Variants in PDE1C observed in about 807,000 individuals in gnomAD.
The protein encoded by PDE1C is phosphodiesterase 1C.
In PDE1C, 62 loss-of-function variants were observed where a neutral mutation model predicts 93.1. That is an observed-to-expected ratio of 0.67 (90% CI 0.54 to 0.82). The LOEUF is 0.82. PDE1C is among the 40% of genes least tolerant of loss of function. The pLI, the probability that PDE1C is intolerant of heterozygous loss-of-function variation, is 0.00. For synonymous variants in PDE1C, 325 were observed against 310.1 expected (o/e 1.05, Z -0.50); for missense variants, 742 against 884.6 (o/e 0.84, Z 2.04).
the PDE1C span, among the ~76,000 whole-genome samples, chr7:31,700,667 T>C: frequency 6.6e-6 from 1 of 152,194 alleles, no homozygotes; most frequent in Non-Finnish European, 1.5e-5. Context: ...TGTCAATGCC[T>C]GGCTTCAAAA....
At chr7:31,981,480 C>T (rs988129081) in intron 2 of PDE1C, among the ~76,000 whole-genome samples, 1 of 152,170 alleles carries the variant, frequency 6.6e-6, no homozygotes, top group African/African-American at 2.4e-5. Context: ...AATCTCCTTT[C>T]TACTGAAATG....
At chr7:31,719,917 T>C in the PDE1C span, among the ~76,000 whole-genome samples, 5 of 151,994 alleles carry the variant, frequency 3.3e-5, no homozygotes, top group East Asian at 9.7e-4. Context: ...AGAAGTCTAA[T>C]GTGGGGAGGC....
the PDE1C span, chr7:31,692,548 G>A: frequency 6.4e-7 from 1 of 1,564,410 alleles, no homozygotes; most frequent in Non-Finnish European, 8.8e-7. Flanking sequence ...GATTGTGAAT[G>A]TCAGTGGTGG....
At chr7:32,305,967 G>A (rs1812989717) in intron 1 of PDE1C, among the ~76,000 whole-genome samples, 1 of 152,164 alleles carries the variant, frequency 6.6e-6, no homozygotes, top group Non-Finnish European at 1.5e-5. Flanking sequence ...CCCACGTGTT[G>A]TGGAAGGAAC....
the PDE1C span, chr7:31,642,877 G>A: frequency 5.6e-6 from 9 of 1,614,044 alleles, no homozygotes; most frequent in Non-Finnish European, 7.6e-6. Context: ...ATCTGTGATG[G>A]AGGAAGAGTT....
At chr7:32,000,971 T>C (rs987462949) in intron 2 of PDE1C, among the ~76,000 whole-genome samples, 1 of 151,606 alleles carries the variant, frequency 6.6e-6, no homozygotes, top group Non-Finnish European at 1.5e-5. Context: ...CACGTTTGTA[T>C]ACATGTGCCT....
At chr7:31,873,435 C>A in intron 5 of PDE1C, 27 bp from the exon 6 acceptor site, 1 of 1,378,258 alleles carries the variant, frequency 7.3e-7, no homozygotes, top group Non-Finnish European at 1.0e-6. Context: ...GGAGAAAGAA[C>A]ACATTAGCCC....
the PDE1C span, among the ~76,000 whole-genome samples, chr7:31,691,761 T>C: frequency 1.4e-5 from 2 of 146,732 alleles, no homozygotes; most frequent in Non-Finnish European, 3.0e-5. Context: ...GGAGGTAGTC[T>C]CTTTACTTTA....
chr7:31,649,848 C>T, the PDE1C span, among the ~76,000 whole-genome samples: 1 of 152,062 alleles, frequency 6.6e-6, no homozygotes, highest in Non-Finnish European at 1.5e-5. Flanking sequence ...TTAGTTAAAG[C>T]CATGAAAACA....
Position 31,858,794 on chromosome 7 carries a change from A to T in PDE1C, c.750+6148T>A, listed in dbSNP as rs920165553. On this transcript the variant is annotated intron_variant, in intron 7 of 17. Transcript: ENST00000396191. The stretch of plus-strand genomic sequence containing the variant: ...CATTAGGTAATCATTTTTATTAAGA[A>T]TACTGAGAAATTCAAACATTTTCTC... Among the ~76,000 whole-genome samples, 14 of 152,212 alleles carry T rather than the reference A, an allele frequency of 9.2e-5. No individual in the cohort carries two copies. In the South Asian group the frequency reaches 2.3e-3, roughly 25 times the overall value.
intron 1 of PDE1C, among the ~76,000 whole-genome samples, chr7:32,307,739 G>A (rs536988312): frequency 5.3e-5 from 8 of 152,230 alleles, no homozygotes; most frequent in South Asian, 4.1e-4. Flanking sequence ...TTTATAAAGC[G>A]GGCCCGAGGT....
In PDE1C at chr7:31,816,099, C is replaced by T. The variant is rs762354288; in HGVS notation, c.1638G>A (p.Gln546=). 2.5e-6 allele frequency: 4 copies of T among 1,613,984 alleles called. No individual in the cohort carries two copies. In the East Asian group the frequency reaches 6.7e-5, roughly 27 times the overall value. Residue 546 remains glutamine (Q), a synonymous_variant, in exon 15 of 18, where the codon CAG becomes CAA. Coordinates refer to ENST00000396191, the MANE Select transcript of PDE1C (RefSeq NM_001191057.4). ...GGCTTTTGGCTTCCATTTCCTTTTG[C>T]TGCTCCTCTGCGGCCAGGCGAGCCT... The part of the protein sequence containing the change: ...EEKARLAAEE[Q]QKEMEAKSQA...
intron 2 of PDE1C, among the ~76,000 whole-genome samples, chr7:32,031,717 C>T (rs555970679): frequency 6.6e-6 from 1 of 152,222 alleles, no homozygotes; most frequent in African/African-American, 2.4e-5. Flanking sequence ...ATAGAATCAA[C>T]AGACTGGCAA....
chr7:31,804,571 G>A lies in PDE1C; in HGVS notation c.1891+4460C>T, dbSNP rs114891833. On this transcript the variant is annotated intron_variant, in intron 16 of 17. Transcript: ENST00000396191. The stretch of plus-strand genomic sequence containing the variant: ...CATTTCTTTTTTCTTCTTCACAATT[G>A]CATTGATAGAAGATTTCATTCTTAG... Among the ~76,000 whole-genome samples the A allele has an allele frequency of 3.1e-3, 467 of 151,792 alleles. 6 individuals carry two copies. The highest frequency in any genetic ancestry group is 0.011 in the African/African-American group (441 of 41,454).
At chr7:32,063,248 C>T (rs915585530) in intron 1 of PDE1C, among the ~76,000 whole-genome samples, 3 of 152,166 alleles carry the variant, frequency 2.0e-5, no homozygotes, top group African/African-American at 7.2e-5. Context: ...GCGGTTTTTG[C>T]CGCTAAAACT....
the PDE1C span, among the ~76,000 whole-genome samples, chr7:31,700,762 A>G: frequency 7.9e-5 from 12 of 152,236 alleles, no homozygotes; most frequent in East Asian, 2.3e-3. Context: ...ACTATTCTGA[A>G]AATCCTAGGG....
At chr7:31,853,286 C>G (rs775184613) in intron 7 of PDE1C, among the ~76,000 whole-genome samples, 8 of 152,104 alleles carry the variant, frequency 5.3e-5, no homozygotes, top group South Asian at 2.1e-4. Context: ...TTTCAACAAA[C>G]GCCATGCATG....
At position 31,930,366 on chromosome 7, in the gene PDE1C, TC is replaced by T. The variant is rs200758542; in HGVS notation, c.129-49507del. On this transcript the variant is annotated intron_variant, in intron 2 of 17. Coordinates refer to ENST00000396191, the MANE Select transcript of PDE1C (RefSeq NM_001191057.4). ...CTGGTATTATTCCTTCTGAAACTAT[TC>T]CAAACAATAGAAAAAGAGGGACTCC... is the stretch of plus-strand genomic sequence containing the variant. Among the ~76,000 whole-genome samples the T allele has an allele frequency of 9.0e-3, 1,365 of 152,070 alleles. 21 individuals carry two copies. The highest frequency in any genetic ancestry group is 0.031 in the African/African-American group (1,279 of 41,474).
intron 2 of PDE1C, among the ~76,000 whole-genome samples, chr7:31,971,216 T>C (rs1177013442): frequency 1.3e-5 from 2 of 152,172 alleles, no homozygotes; most frequent in African/African-American, 4.8e-5. Context: ...TGTTGAACAT[T>C]TCCTACATGT....
Sources: gnomAD v4.1 joint callset for allele counts (sites outside exome capture counted in the v4.1 genomes callset) on GRCh38, gnomAD v4.1.1 for gene constraint, MANE v1.5 for transcripts, NCBI Gene and HGNC (gene_info 2026-07-23, HGNC 2026-07-21) for gene names.